Variants in NKAIN2 observed in about 807,000 individuals in gnomAD.
NKAIN2 encodes sodium/potassium transporting ATPase interacting 2.
In NKAIN2, 14 loss-of-function variants were observed where a neutral mutation model predicts 32.6. The observed-to-expected ratio is 0.43, with a 90% CI of 0.28 to 0.67. The LOEUF (loss-of-function observed/expected upper bound fraction) is 0.67, where lower values mean the gene tolerates loss of function less well. NKAIN2 is among the 30% of genes least tolerant of loss of function. The pLI, the probability that NKAIN2 is intolerant of heterozygous loss-of-function variation, is 0.17. For missense variants in NKAIN2, 198 were observed against 258.3 expected, an observed-to-expected ratio of 0.77 and a Z score of 1.60; for synonymous variants, 80 against 87.2, an observed-to-expected ratio of 0.92 and a Z score of 0.46.
chr6:124,634,779 A>T (rs1783708283), intron 3 of NKAIN2, among the ~76,000 whole-genome samples: 1 of 152,032 alleles, frequency 6.6e-6, no homozygotes, highest in Admixed American at 6.6e-5. Flanking sequence ...GTTCTCTATG[A>T]GGTATATTAT....
rs140311806 is a variant in NKAIN2 at position 124,589,622 on chromosome 6, G to T, written c.274-68564G>T. On this transcript the variant is annotated intron_variant, in intron 3 of 6. Coordinates refer to ENST00000368417, the MANE Select transcript of NKAIN2 (RefSeq NM_001040214.3). The stretch of plus-strand genomic sequence containing the variant: ...CAAAACATTAAAATGTGGGCGAGAA[G>T]AAATTACATATTCAAATGTAGAAAC... Among the ~76,000 whole-genome samples the T allele has an allele frequency of 1.8e-4, 27 of 152,282 alleles. No homozygotes were observed. The East Asian group carries it at 4.1e-3, about 23-fold the overall frequency.
At chr6:124,453,322 A>AACACACACACACACACACACACAC (rs766482280) in intron 3 of NKAIN2, among the ~76,000 whole-genome samples, 1 of 63,876 alleles carries the variant, frequency 1.6e-5, no homozygotes, top group African/African-American at 5.1e-5. Context: ...CATGCATATA[A>AACACACACACACACACACACACAC]ACACACACAC....
intron 4 of NKAIN2, among the ~76,000 whole-genome samples, chr6:124,762,179 G>A (rs1778298398): frequency 6.6e-6 from 1 of 152,144 alleles, no homozygotes; most frequent in South Asian, 2.1e-4. Context: ...GGTGTTGGCA[G>A]GTCTGGTTTC....
intron 3 of NKAIN2, among the ~76,000 whole-genome samples, chr6:124,490,188 T>C (rs1777805249): frequency 1.3e-5 from 2 of 151,802 alleles, no homozygotes; most frequent in African/African-American, 4.8e-5. Flanking sequence ...GCAGCCAGAG[T>C]GTTCATGAAT....
intron 2 of NKAIN2, among the ~76,000 whole-genome samples, chr6:124,292,464 A>G (rs1446600365): frequency 1.3e-5 from 2 of 152,034 alleles, no homozygotes; most frequent in Non-Finnish European, 2.9e-5. Flanking sequence ...AAGTGTAACA[A>G]TAACTATTAG....
chr6:123,892,679 C>T (rs1774079128), intron 1 of NKAIN2, among the ~76,000 whole-genome samples: 1 of 151,786 alleles, frequency 6.6e-6, no homozygotes, highest in Non-Finnish European at 1.5e-5. Context: ...GAGGAAGGAA[C>T]ATACTTTTTA....
chr6:124,260,672 G>A (rs967400851), intron 1 of NKAIN2, among the ~76,000 whole-genome samples: 1 of 152,092 alleles, frequency 6.6e-6, no homozygotes, highest in East Asian at 1.9e-4. Context: ...GAAGCCACTG[G>A]AGAACATTTA....
intron 3 of NKAIN2, among the ~76,000 whole-genome samples, chr6:124,396,256 T>C (rs1214812077): frequency 6.6e-6 from 1 of 151,512 alleles, no homozygotes; most frequent in Non-Finnish European, 1.5e-5. Context: ...AATAATTTAA[T>C]AATAAATTGT....
chr6:124,760,984 T>C (rs777106150), intron 4 of NKAIN2, among the ~76,000 whole-genome samples: 2 of 152,160 alleles, frequency 1.3e-5, no homozygotes, highest in African/African-American at 2.4e-5. Flanking sequence ...TTTGCCTGAA[T>C]AAATAACTGA....
chr6:124,103,941 G>A (rs1253143080), intron 1 of NKAIN2, among the ~76,000 whole-genome samples: 1 of 152,054 alleles, frequency 6.6e-6, no homozygotes, highest in African/African-American at 2.4e-5. Context: ...CAAAAAATTA[G>A]CTAGGCATGG....
chr6:123,885,052 A>C (rs951979025), intron 1 of NKAIN2, among the ~76,000 whole-genome samples: 1 of 152,192 alleles, frequency 6.6e-6, no homozygotes, highest in East Asian at 1.9e-4. Context: ...AGAGACAGAA[A>C]GAAGTAATAA....
Position 124,710,992 on chromosome 6 carries a change from C to T in NKAIN2, c.474+52606C>T, listed in dbSNP as rs1423574277. Among the ~76,000 whole-genome samples the T allele has an allele frequency of 1.4e-3, 207 of 148,366 alleles. 1 individual carries two copies. The highest frequency in any genetic ancestry group is 4.4e-3 in the African/African-American group (176 of 39,904). ...ACGGGTTGTTCCTTTCCATGTTTAG[C>T]GCTTCCTTCAGGAGCTCTTTTAGGG... On this transcript the variant is annotated intron_variant, in intron 4 of 6. Coordinates refer to ENST00000368417, the MANE Select transcript of NKAIN2 (RefSeq NM_001040214.3).
intron 3 of NKAIN2, among the ~76,000 whole-genome samples, chr6:124,613,738 C>G (rs1782779956): frequency 6.6e-6 from 1 of 152,158 alleles, no homozygotes; most frequent in South Asian, 2.1e-4. Context: ...ACATGACACT[C>G]TATTCCTCAA....
chr6:124,331,286 G>A (rs974440576), intron 2 of NKAIN2, among the ~76,000 whole-genome samples: 2 of 140,386 alleles, frequency 1.4e-5, no homozygotes, highest in Non-Finnish European at 3.0e-5. Context: ...CGTATCACGA[G>A]GTCAGGAGAT....
At chr6:123,954,253 G>A (rs1179045327) in intron 1 of NKAIN2, among the ~76,000 whole-genome samples, 2 of 152,214 alleles carry the variant, frequency 1.3e-5, no homozygotes, top group East Asian at 1.9e-4. Flanking sequence ...GACTCGGGGT[G>A]TGTGTGGGAT....
chr6:124,411,310 T>C (rs1334980180), intron 3 of NKAIN2, among the ~76,000 whole-genome samples: 4 of 152,064 alleles, frequency 2.6e-5, no homozygotes, highest in Admixed American at 6.5e-5. Flanking sequence ...GTTTTTGCAG[T>C]GGCTGGTACC....
chr6:124,162,846 T>G (rs967366863), intron 1 of NKAIN2, among the ~76,000 whole-genome samples: 1 of 152,108 alleles, frequency 6.6e-6, no homozygotes, highest in African/African-American at 2.4e-5. Flanking sequence ...AATGTGTTCA[T>G]CCTTTCCCAT....
intron 1 of NKAIN2, among the ~76,000 whole-genome samples, chr6:123,985,705 G>T (rs559031080): frequency 6.6e-6 from 1 of 152,282 alleles, no homozygotes; most frequent in South Asian, 2.1e-4. Flanking sequence ...AAAATATATT[G>T]TGACGGCTTA....
At chr6:124,257,688 C>T (rs148764181) in intron 1 of NKAIN2, among the ~76,000 whole-genome samples, 1 of 152,044 alleles carries the variant, frequency 6.6e-6, no homozygotes, top group East Asian at 1.9e-4. Context: ...ATTCCTGTTT[C>T]AAAACCTAGC....
Sources: allele counts gnomAD v4.1 joint callset (sites outside exome capture counted in the v4.1 genomes callset), GRCh38; gene constraint gnomAD v4.1.1; transcripts MANE v1.5; gene names NCBI Gene and HGNC (gene_info 2026-07-23, HGNC 2026-07-21).